The following SPATA9 variants were observed in gnomAD, a reference collection of about 807,000 sequenced individuals.
SPATA9 encodes the protein spermatogenesis associated 9, also known as spermatogenesis-associated protein 9.
A neutral mutation model predicts 25.5 loss-of-function variants in SPATA9; 27 were observed. The observed-to-expected ratio is 1.06, with a 90% CI of 0.78 to 1.46. The LOEUF is 1.46. Ranked by LOEUF, SPATA9 falls within the 40% of genes most tolerant of loss-of-function variation. SPATA9 has a pLI of 0.00. For missense variants in SPATA9, 282 were observed against 297.5 expected, an observed-to-expected ratio of 0.95 and a Z score of 0.38; for synonymous variants, 102 against 105.7, an observed-to-expected ratio of 0.97 and a Z score of 0.21.
the SPATA9 span, among the ~76,000 whole-genome samples, chr5:95,725,690 C>T: frequency 6.6e-6 from 1 of 152,208 alleles, no homozygotes; most frequent in African/African-American, 2.4e-5. Context: ...CTTGTATAAC[C>T]TCTTACAGTG....
chr5:95,716,519 T>C, the SPATA9 span, among the ~76,000 whole-genome samples: 3 of 152,246 alleles, frequency 2.0e-5, no homozygotes, highest in Non-Finnish European at 4.4e-5. Context: ...CCCCATTGTA[T>C]CTAGAAAGTA....
chr5:95,683,065 T>G (rs2112691994), upstream of SPATA9: 1 of 1,204,106 alleles, frequency 8.3e-7, no homozygotes, highest in East Asian at 3.2e-5. Flanking sequence ...ACTCTGGCAG[T>G]GAGAGGAAGA....
downstream of SPATA9, among the ~76,000 whole-genome samples, chr5:95,653,565 G>A (rs539285596): frequency 6.6e-6 from 1 of 152,318 alleles, no homozygotes; most frequent in African/African-American, 2.4e-5. Flanking sequence ...CAGTCTTTAA[G>A]AGTCTCTAAC....
Position 95,666,520 on chromosome 5 carries a change from T to G in SPATA9, c.379-2472A>C, listed in dbSNP as rs1245196819. Among the ~76,000 whole-genome samples the G allele has an allele frequency of 3.9e-5, 6 of 152,168 alleles. No homozygotes were observed. The East Asian group carries it at 1.2e-3, about 29-fold the overall frequency. On this transcript the variant is annotated intron_variant, in intron 3 of 4. Transcript: ENST00000274432. ...AAATTTTTAGTAAAATGTCTGTGCA[T>G]GGGTAGTATTAAGGGACATTAATAG...
intron 3 of SPATA9, among the ~76,000 whole-genome samples, chr5:95,669,553 T>C (rs1752163238): frequency 6.6e-6 from 1 of 152,240 alleles, no homozygotes; most frequent in South Asian, 2.1e-4. Flanking sequence ...TATCTTATTC[T>C]ATACCATGCC....
At chr5:95,720,747 C>G in the SPATA9 span, among the ~76,000 whole-genome samples, 1 of 152,026 alleles carries the variant, frequency 6.6e-6, no homozygotes, top group African/African-American at 2.4e-5. Flanking sequence ...GACTCGTAGA[C>G]TTTTCCCATG....
intron 3 of SPATA9, among the ~76,000 whole-genome samples, chr5:95,666,799 TA>T (rs1199496172): frequency 1.3e-5 from 2 of 152,212 alleles, no homozygotes; most frequent in Admixed American, 1.3e-4. Flanking sequence ...TTTATGGAGC[TA>T]TACACTTAAT....
At chr5:95,659,386 A>T (rs1222039867) in intron 4 of SPATA9, 1 of 155,004 alleles carries the variant, frequency 6.5e-6, no homozygotes, top group East Asian at 1.9e-4. Flanking sequence ...CTGAGCAAAT[A>T]TGTGATCCAC....
At chr5:95,670,410 G>T (rs1460843407) in intron 3 of SPATA9, 3 of 152,116 alleles carry the variant, frequency 2.0e-5, no homozygotes, top group Admixed American at 1.3e-4. Flanking sequence ...GCTATTTAAG[G>T]TGCTCCAGCT....
chr5:95,724,783 T>G, the SPATA9 span, among the ~76,000 whole-genome samples: 1 of 152,164 alleles, frequency 6.6e-6, no homozygotes, highest in Admixed American at 6.5e-5. Context: ...TCCAGTAAAT[T>G]AGGATAATAA....
intron 1 of SPATA9, among the ~76,000 whole-genome samples, chr5:95,691,089 G>A (rs997400903): frequency 1.3e-5 from 2 of 151,874 alleles, no homozygotes; most frequent in East Asian, 1.9e-4. Flanking sequence ...GGTGGCGGGC[G>A]CCTGTAGTAC....
downstream of SPATA9, chr5:95,657,348 A>C (rs1750823426): frequency 6.6e-6 from 1 of 151,812 alleles, no homozygotes; most frequent in Non-Finnish European, 1.5e-5. Context: ...TTAAAATAAC[A>C]CCCCAAGCAC....
chr5:95,662,669 A>G (rs954228657), intron 4 of SPATA9, among the ~76,000 whole-genome samples: 5 of 152,226 alleles, frequency 3.3e-5, no homozygotes, highest in African/African-American at 1.2e-4. Context: ...AGGCTCCTAG[A>G]ATATGTTTTT....
At chr5:95,692,428 T>G (rs1056266710) in intron 1 of SPATA9, among the ~76,000 whole-genome samples, 1 of 152,090 alleles carries the variant, frequency 6.6e-6, no homozygotes, top group Non-Finnish European at 1.5e-5. Flanking sequence ...TATGTCTTAC[T>G]AAGAAATACT....
chr5:95,669,986 A>G (rs1752214557), intron 3 of SPATA9, among the ~76,000 whole-genome samples: 2 of 152,118 alleles, frequency 1.3e-5, no homozygotes, highest in Admixed American at 1.3e-4. Flanking sequence ...AGTACAAAAG[A>G]ACCCTCTTCT....
At chr5:95,725,396 A>G in the SPATA9 span, among the ~76,000 whole-genome samples, 1 of 152,274 alleles carries the variant, frequency 6.6e-6, no homozygotes. Context: ...AATCTAATGA[A>G]AAATGAATAA....
chr5:95,722,212 G>A, the SPATA9 span, among the ~76,000 whole-genome samples: 1 of 152,134 alleles, frequency 6.6e-6, no homozygotes. Flanking sequence ...AGCAAAGGGA[G>A]TGCAGGAGAT....
chr5:95,661,566 A>G (rs1028775890), intron 4 of SPATA9, among the ~76,000 whole-genome samples: 5 of 152,126 alleles, frequency 3.3e-5, no homozygotes, highest in African/African-American at 1.2e-4. Context: ...ATTTCCCCAT[A>G]GACATGTCAT....
chr5:95,684,487 A>G (rs1319321068), upstream of SPATA9: 1 of 152,244 alleles, frequency 6.6e-6, no homozygotes, highest in East Asian at 1.9e-4. Context: ...CTATAAAATT[A>G]ACAAATCTAG....
Sources: gnomAD v4.1 joint callset for allele counts (sites outside exome capture counted in the v4.1 genomes callset) on GRCh38, gnomAD v4.1.1 for gene constraint, MANE v1.5 for transcripts, NCBI Gene and HGNC (gene_info 2026-07-23, HGNC 2026-07-21) for gene names.